Variants in PCDHGA6 observed in about 807,000 individuals in gnomAD.
PCDHGA6 encodes protocadherin gamma subfamily A, 6.
Under a neutral mutation model 60.6 loss-of-function variants are expected in PCDHGA6, and 41 were observed. That is an observed-to-expected ratio of 0.68 (90% confidence interval 0.53 to 0.88). The LOEUF is 0.88. Among genes scored for constraint, PCDHGA6 ranks in the 40% least tolerant of loss-of-function variants. The probability of loss-of-function intolerance (pLI) is 0.00; values close to 1 mark genes in which losing one functional copy is unlikely to be tolerated. For missense variants in PCDHGA6, 1,312 were observed against 1,203.0 expected, an observed-to-expected ratio of 1.09 and a Z score of -1.34; for synonymous variants, 594 against 524.4, an observed-to-expected ratio of 1.13 and a Z score of -1.81.
rs1562063782 is a variant in PCDHGA6, at chr5:141,477,676, A to G, written c.2425-17131A>G. ...TAAATCGTGACAATGGCATAGTGTC[A>G]TCCTTAGTGCCCCTAGACTATGAGG... On this transcript the variant is annotated intron_variant, in intron 1 of 3. Coordinates refer to ENST00000517434, the MANE Select transcript of PCDHGA6 (RefSeq NM_018919.3). This position sits in a 1 kb window ranked among gnomAD's most constrained non-coding sequence, Gnocchi z 4.9. The G allele has an allele frequency of 1.2e-6, 2 of 1,614,194 alleles. No homozygotes were observed. The highest frequency in any genetic ancestry group is 1.7e-6 in the Non-Finnish European group (2 of 1,180,046).
intron 1 of PCDHGA6, among the ~76,000 whole-genome samples, chr5:141,451,106 G>A (rs1204327490): frequency 1.3e-5 from 2 of 152,164 alleles, no homozygotes; most frequent in African/African-American, 4.8e-5. Context: ...GGGATTACAG[G>A]CGTGAGCCAC....
chr5:141,382,263 T>C (rs1447947679), intron 1 of PCDHGA6, among the ~76,000 whole-genome samples: 1 of 152,242 alleles, frequency 6.6e-6, no homozygotes, highest in Non-Finnish European at 1.5e-5. Flanking sequence ...TCATGGTGTC[T>C]AGAACATATG....
chr5:141,489,944 T>C lies in PCDHGA6; in HGVS notation c.2425-4863T>C. On this transcript the variant is annotated intron_variant, in intron 1 of 3. Coordinates refer to ENST00000517434, the MANE Select transcript of PCDHGA6 (RefSeq NM_018919.3). The surrounding 1 kb of genome is among the most constrained non-coding windows in gnomAD (Gnocchi z 4.5). Reference sequence around the variant, plus strand: ...CTTATCTCTGTCATCGTGCTGGACATCAATGATAATGCTCCAACCTTCCAA... The same window carrying C: ...CTTATCTCTGTCATCGTGCTGGACACCAATGATAATGCTCCAACCTTCCAA... 6.2e-7 allele frequency: 1 copy of C among 1,614,172 alleles called. No homozygotes were observed. Among genetic ancestry groups the C allele is most frequent in the Non-Finnish European group, 8.5e-7 (1 of 1,180,010 alleles).
intron 1 of PCDHGA6, chr5:141,441,249 TA>T (rs981387539): frequency 6.6e-6 from 1 of 152,206 alleles, no homozygotes; most frequent in Non-Finnish European, 1.5e-5. Context: ...ACAAGATCTT[TA>T]AATCACAAGA....
rs1772586691 is a variant in PCDHGA6 at position 141,376,346 on chromosome 5, C to T, written c.2263C>T (p.His755Tyr). 2.5e-6 allele frequency: 4 copies of T among 1,614,194 alleles called. No individual in the cohort carries two copies. The highest frequency in any genetic ancestry group is 4.5e-5 in the East Asian group (2 of 44,870). ...TCGGGCTTTCCTGCAGACCTATTCC[C>T]ACGAGGTCTCACTCACTGCAGACTC... is the stretch of plus-strand genomic sequence containing the variant. ...GVRAFLQTYS[H>Y]EVSLTADSRK... Residue 755 changes from histidine (H) to tyrosine (Y), a missense_variant, in exon 1 of 4, where the codon CAC (histidine) becomes TAC (tyrosine). His to Tyr is a moderately conservative substitution (Grantham distance 83, BLOSUM62 2). Transcript: ENST00000517434.
At chr5:141,471,801 CAT>C (rs1165290367) in intron 1 of PCDHGA6, among the ~76,000 whole-genome samples, 1 of 152,114 alleles carries the variant, frequency 6.6e-6, no homozygotes, top group African/African-American at 2.4e-5. Context: ...ATATAAAAGA[CAT>C]ATAAAAGACT....
intron 1 of PCDHGA6, chr5:141,415,862 A>G: frequency 1.8e-6 from 2 of 1,107,350 alleles, no homozygotes; most frequent in Non-Finnish European, 1.2e-6. Flanking sequence ...TGTAGTTTAT[A>G]GTGTTGTTGA....
At chr5:141,418,836 C>T (rs2096292464) in intron 1 of PCDHGA6, 1 of 1,613,984 alleles carries the variant, frequency 6.2e-7, no homozygotes, top group Non-Finnish European at 8.5e-7. Flanking sequence ...GACCGAGGAT[C>T]TCTCTCAACA....
chr5:141,463,438 CTTTTTTTTTTTTTTT>C (rs71576115), intron 1 of PCDHGA6, among the ~76,000 whole-genome samples: 7 of 103,256 alleles, frequency 6.8e-5, no homozygotes, highest in African/African-American at 3.1e-4. Flanking sequence ...TTTCCTTCTC[CTTTTTTTTTTTTTTT>C]TTTTTTTTTT....
chr5:141,495,943 CTGT>C (rs1324780860), intron 2 of PCDHGA6, among the ~76,000 whole-genome samples: 1 of 152,010 alleles, frequency 6.6e-6, no homozygotes, highest in Non-Finnish European at 1.5e-5. Flanking sequence ...GTCTCTGTGC[CTGT>C]TGTCTTTTTC....
intron 1 of PCDHGA6, chr5:141,418,002 G>A: frequency 1.9e-6 from 3 of 1,613,916 alleles, no homozygotes; most frequent in Non-Finnish European, 2.5e-6. Flanking sequence ...TCGGTGGTGG[G>A]GAACCTCGCT....
At chr5:141,408,036 A>C in intron 1 of PCDHGA6, 1 of 1,132,834 alleles carries the variant, frequency 8.8e-7, no homozygotes, top group Non-Finnish European at 1.2e-6. Flanking sequence ...GAAGAAAACC[A>C]GCTCCCACAC....
chr5:141,501,288 T>TATACACATAC (rs201660636), intron 2 of PCDHGA6, among the ~76,000 whole-genome samples: 2 of 81,228 alleles, frequency 2.5e-5, no homozygotes, highest in African/African-American at 9.9e-5. Flanking sequence ...GATATTCCCT[T>TATACACATAC]ATACACACAC....
At chr5:141,494,733 C>G in intron 1 of PCDHGA6, 74 bp from the exon 2 acceptor site, 1 of 1,610,826 alleles carries the variant, frequency 6.2e-7, no homozygotes, top group South Asian at 1.1e-5. Flanking sequence ...CTCTCCCGGC[C>G]CATCCCTAGG....
intron 1 of PCDHGA6, chr5:141,418,422 G>T: frequency 6.2e-7 from 1 of 1,613,996 alleles, no homozygotes; most frequent in Non-Finnish European, 8.5e-7. Context: ...AATCCTGATG[G>T]TGGCAAATAT....
In PCDHGA6 at chr5:141,491,764, C is replaced by T; in HGVS notation, c.2425-3043C>T. The stretch of plus-strand genomic sequence containing the variant: ...CGGCACTGGAGAAGCCGCCCGTCCT[C>T]ATAAGGGATTGAACTTGCATCCACT... On this transcript the variant is annotated intron_variant, in intron 1 of 3. Transcript: ENST00000517434. The surrounding 1 kb of genome is among the most constrained non-coding windows in gnomAD (Gnocchi z 6.9). The T allele has an allele frequency of 6.4e-7, 1 of 1,570,206 alleles. No homozygotes were observed. Among genetic ancestry groups the T allele is most frequent in the Non-Finnish European group, 8.6e-7 (1 of 1,159,296 alleles).
chr5:141,407,406 C>T (rs971404616), intron 1 of PCDHGA6, among the ~76,000 whole-genome samples: 2 of 152,090 alleles, frequency 1.3e-5, no homozygotes, highest in East Asian at 3.8e-4. Flanking sequence ...AGTTACTATT[C>T]GATACCACAA....
At position 141,511,575 on chromosome 5, in the gene PCDHGA6, T is replaced by C. The variant is rs930675653; in HGVS notation, c.*402T>C. On this transcript the variant is annotated 3_prime_UTR_variant, in exon 4 of 4. Transcript: ENST00000517434. ...AGTTCCTCTTTCCCGAGTAAGGTGG[T>C]TGGGGTGTTGAAGTACCAAGTAACC... 28 of 287,258 alleles carry C rather than the reference T, an allele frequency of 9.7e-5. No individual in the cohort carries two copies. Among genetic ancestry groups the C allele is most frequent in the Middle Eastern group, 1.3e-3 (1 of 784 alleles). The allele number at this position is 287,258 out of a possible 1,614,324, so 17.8% of individuals were successfully genotyped here.
At chr5:141,424,960 C>T (rs1291822416) in intron 1 of PCDHGA6, among the ~76,000 whole-genome samples, 1 of 152,102 alleles carries the variant, frequency 6.6e-6, no homozygotes, top group African/African-American at 2.4e-5. Context: ...AGGTATTTGC[C>T]CCAAATTACT....
Sources: allele counts gnomAD v4.1 joint callset (sites outside exome capture counted in the v4.1 genomes callset), GRCh38; gene constraint gnomAD v4.1.1; non-coding constraint Gnocchi (gnomAD v3.1); transcripts MANE v1.5; gene names NCBI Gene and HGNC (gene_info 2026-07-23, HGNC 2026-07-21).